Variants in TMEM132C observed in about 807,000 individuals in gnomAD.
The protein encoded by TMEM132C is transmembrane protein 132C.
In TMEM132C, 29 loss-of-function variants were observed where a neutral mutation model predicts 61.4. The observed-to-expected ratio is 0.47, with a 90% CI of 0.35 to 0.64. The LOEUF (loss-of-function observed/expected upper bound fraction) is 0.64, where lower values mean the gene tolerates loss of function less well. Among genes scored for constraint, TMEM132C ranks in the 30% least tolerant of loss-of-function variants. The pLI is 0.00. For missense variants in TMEM132C, 1,408 were observed against 1,476.9 expected, an observed-to-expected ratio of 0.95 and a Z score of 0.76; for synonymous variants, 656 against 633.1, an observed-to-expected ratio of 1.04 and a Z score of -0.54.
At chr12:128,271,665 G>A (rs1870526773) in intron 1 of TMEM132C, among the ~76,000 whole-genome samples, 1 of 152,156 alleles carries the variant, frequency 6.6e-6, no homozygotes, top group Non-Finnish European at 1.5e-5. Flanking sequence ...GTTTATTCAG[G>A]TCCTCTCTTC....
chr12:128,298,646 G>A (rs572225771), intron 1 of TMEM132C, among the ~76,000 whole-genome samples: 1 of 152,332 alleles, frequency 6.6e-6, no homozygotes, highest in African/African-American at 2.4e-5. Flanking sequence ...TGTGCCATCA[G>A]AGCCTCCCTC....
intron 4 of TMEM132C, among the ~76,000 whole-genome samples, chr12:128,622,833 G>A (rs779462291): frequency 5.9e-5 from 9 of 152,162 alleles, no homozygotes; most frequent in East Asian, 1.9e-4. Context: ...AAAACATCTC[G>A]TCCTGATCTC....
At chr12:128,463,216 A>G (rs1425929911) in intron 2 of TMEM132C, among the ~76,000 whole-genome samples, 1 of 152,184 alleles carries the variant, frequency 6.6e-6, no homozygotes, top group Non-Finnish European at 1.5e-5. Flanking sequence ...CAATTATATC[A>G]GATGGCCTCA....
At chr12:128,409,356 A>T (rs1010077205) in intron 1 of TMEM132C, among the ~76,000 whole-genome samples, 12 of 152,142 alleles carry the variant, frequency 7.9e-5, no homozygotes, top group Non-Finnish European at 1.6e-4. Context: ...CAACTTAGCC[A>T]GCTGAATCTT....
At position 128,706,868 on chromosome 12, in the gene TMEM132C, C is replaced by T. The variant is rs1440502182; in HGVS notation, c.*573C>T. 6.6e-6 allele frequency: 1 copy of T among 152,074 alleles called. No homozygotes were observed. Among genetic ancestry groups the T allele is most frequent in the Non-Finnish European group, 1.5e-5 (1 of 68,022 alleles). 9.4% of individuals were successfully genotyped at this position (152,074 alleles called of 1,614,324 possible). ...CTTGATCATCTTTTATTTTCTTTTCCACTTTTTCCTTTTTTCTCTCTCTCT... is the reference window on the plus strand; with the variant it reads ...CTTGATCATCTTTTATTTTCTTTTCTACTTTTTCCTTTTTTCTCTCTCTCT... On this transcript the variant is annotated 3_prime_UTR_variant, in exon 9 of 9. Coordinates refer to ENST00000435159, the MANE Select transcript of TMEM132C (RefSeq NM_001136103.3).
intron 1 of TMEM132C, among the ~76,000 whole-genome samples, chr12:128,369,997 T>C (rs748879256): frequency 9.8e-5 from 15 of 152,388 alleles, no homozygotes; most frequent in Non-Finnish European, 1.3e-4. Context: ...CCCTTGTTTA[T>C]TGCTGATGGA....
chr12:128,416,558 G>T (rs894510509), intron 2 of TMEM132C, among the ~76,000 whole-genome samples: 6 of 152,188 alleles, frequency 3.9e-5, no homozygotes, highest in African/African-American at 1.4e-4. Context: ...CATTTTGAAT[G>T]AGTTGCTTGG....
At chr12:128,411,554 A>G (rs1189838638) in intron 1 of TMEM132C, among the ~76,000 whole-genome samples, 1 of 152,126 alleles carries the variant, frequency 6.6e-6, no homozygotes, top group African/African-American at 2.4e-5. Context: ...TGATCATTCT[A>G]AGGGCCCTTC....
intron 4 of TMEM132C, among the ~76,000 whole-genome samples, chr12:128,650,416 T>C (rs1954256306): frequency 6.6e-6 from 1 of 152,000 alleles, no homozygotes; most frequent in African/African-American, 2.4e-5. Flanking sequence ...ATGGATAAAG[T>C]TTTATTTTTA....
chr12:128,391,113 T>C (rs1390209182), intron 1 of TMEM132C, among the ~76,000 whole-genome samples: 1 of 152,146 alleles, frequency 6.6e-6, no homozygotes, highest in African/African-American at 2.4e-5. Context: ...CTCAAGCCAC[T>C]CTAATGGAGG....
intron 1 of TMEM132C, among the ~76,000 whole-genome samples, chr12:128,353,815 G>A (rs1340229267): frequency 6.6e-6 from 1 of 152,136 alleles, no homozygotes; most frequent in Admixed American, 6.5e-5. Context: ...ATTAAGTGAG[G>A]TGAAAGGTAC....
chr12:128,446,756 T>C (rs1205684510), intron 2 of TMEM132C, among the ~76,000 whole-genome samples: 1 of 152,214 alleles, frequency 6.6e-6, no homozygotes, highest in African/African-American at 2.4e-5. Context: ...CCAACCTGCA[T>C]TCAGTCATTA....
At chr12:128,686,715 T>A in intron 5 of TMEM132C, among the ~76,000 whole-genome samples, 1 of 152,294 alleles carries the variant, frequency 6.6e-6, no homozygotes, top group African/African-American at 2.4e-5. Context: ...GTGTCAGGTG[T>A]TAGGTCCCAG....
chr12:128,681,938 G>A (rs1037132631), intron 5 of TMEM132C, among the ~76,000 whole-genome samples: 3 of 150,426 alleles, frequency 2.0e-5, no homozygotes, highest in Non-Finnish European at 4.4e-5. Flanking sequence ...CCAAAGTGCT[G>A]GGATTACAGG....
intron 2 of TMEM132C, among the ~76,000 whole-genome samples, chr12:128,467,977 CAT>C (rs1460519906): frequency 6.6e-6 from 1 of 152,186 alleles, no homozygotes; most frequent in African/African-American, 2.4e-5. Flanking sequence ...CTATGATAAA[CAT>C]GTGCTCTGTG....
At chr12:128,293,128 G>A (rs1871300822) in intron 1 of TMEM132C, among the ~76,000 whole-genome samples, 3 of 152,132 alleles carry the variant, frequency 2.0e-5, no homozygotes, top group Admixed American at 2.0e-4. Context: ...CTGGATTGCT[G>A]TCAGTGAGGA....
At chr12:128,543,835 A>C in intron 2 of TMEM132C, 122 bp from the exon 3 acceptor site, 1 of 1,303,294 alleles carries the variant, frequency 7.7e-7, no homozygotes, top group Non-Finnish European at 1.0e-6. Flanking sequence ...GCCTCTCACT[A>C]GATATGAAAA....
At chr12:128,531,422 G>C (rs192020025) in intron 2 of TMEM132C, among the ~76,000 whole-genome samples, 19 of 152,372 alleles carry the variant, frequency 1.2e-4, no homozygotes, top group African/African-American at 4.6e-4. Context: ...CAACCTGAAA[G>C]AGATGAGGAG....
At chr12:128,541,951 C>A (rs1873774292) in intron 2 of TMEM132C, among the ~76,000 whole-genome samples, 1 of 152,198 alleles carries the variant, frequency 6.6e-6, no homozygotes, top group Non-Finnish European at 1.5e-5. Flanking sequence ...CACCCCCAGG[C>A]ACCCCCAGTT....
Sources: gnomAD v4.1 joint callset for allele counts (sites outside exome capture counted in the v4.1 genomes callset) on GRCh38, gnomAD v4.1.1 for gene constraint, MANE v1.5 for transcripts, NCBI Gene and HGNC (gene_info 2026-07-23, HGNC 2026-07-21) for gene names.